Variants in LIN52 observed in about 807,000 individuals in gnomAD.
LIN52 encodes protein lin-52 homolog.
LIN52 carries 4 observed loss-of-function variants against 18.5 expected under a neutral mutation model. The observed-to-expected ratio is 0.22, with a 90% CI of 0.11 to 0.49. The LOEUF (loss-of-function observed/expected upper bound fraction) is 0.49, where lower values mean the gene tolerates loss of function less well. Ranked by LOEUF, LIN52 falls within the 20% of genes least tolerant of loss-of-function variation. LIN52 has a pLI of 0.97. For synonymous variants in LIN52, 34 were observed against 45.5 expected (o/e 0.75, Z 1.02); for missense variants, 102 against 139.5 (o/e 0.73, Z 1.35).
chr14:74,103,595 G>C (rs866741572), intron 5 of LIN52, among the ~76,000 whole-genome samples: 5 of 151,136 alleles, frequency 3.3e-5, no homozygotes, highest in African/African-American at 1.2e-4. Flanking sequence ...ACCAGGCCCA[G>C]CTAATTTTGT....
chr14:74,175,726 ACACACACACACACACACACACACACC>A, intron 5 of LIN52, among the ~76,000 whole-genome samples: 1 of 145,610 alleles, frequency 6.9e-6, no homozygotes, highest in Admixed American at 6.8e-5. Context: ...ACACACACAC[ACACACACACACACACACACACACACC>A]CCCATTATAC....
At chr14:74,191,924 C>T (rs965563949) in intron 5 of LIN52, among the ~76,000 whole-genome samples, 3 of 152,180 alleles carry the variant, frequency 2.0e-5, no homozygotes, top group Non-Finnish European at 2.9e-5. Flanking sequence ...CGTGAGCCAC[C>T]GCGCCCGGCC....
chr14:74,098,319 G>A (rs1264140903), intron 4 of LIN52, among the ~76,000 whole-genome samples: 1 of 151,938 alleles, frequency 6.6e-6, no homozygotes, highest in Non-Finnish European at 1.5e-5. Context: ...AGGAGTTTGA[G>A]ACCAGACTGA....
intron 5 of LIN52, among the ~76,000 whole-genome samples, chr14:74,104,548 C>T (rs1468798884): frequency 6.8e-6 from 1 of 147,682 alleles, no homozygotes; most frequent in Non-Finnish European, 1.5e-5. Context: ...CCTTTTTTAT[C>T]TGCTGATTGT....
intron 5 of LIN52, among the ~76,000 whole-genome samples, chr14:74,119,455 C>T (rs1292711914): frequency 6.6e-6 from 1 of 152,058 alleles, no homozygotes; most frequent in East Asian, 1.9e-4. Context: ...TGAGCCGCCG[C>T]ACCTGGGCCG....
intron 5 of LIN52, among the ~76,000 whole-genome samples, chr14:74,171,766 T>G (rs955103497): frequency 7.7e-6 from 1 of 129,500 alleles, no homozygotes; most frequent in Non-Finnish European, 1.5e-5. Flanking sequence ...TGAGACAGAG[T>G]CTTGCTCTGT....
intron 5 of LIN52, among the ~76,000 whole-genome samples, chr14:74,108,708 C>T (rs1320085095): frequency 6.6e-6 from 1 of 151,902 alleles, no homozygotes; most frequent in Non-Finnish European, 1.5e-5. Context: ...AATTCAGATC[C>T]TTTGCTTATT....
chr14:74,167,254 T>C (rs2061253928), intron 5 of LIN52, among the ~76,000 whole-genome samples: 1 of 152,122 alleles, frequency 6.6e-6, no homozygotes, highest in Admixed American at 6.5e-5. Flanking sequence ...CACTTGTCTT[T>C]TTAATGGATT....
chr14:74,165,740 C>T (rs1344017685), intron 5 of LIN52, among the ~76,000 whole-genome samples: 1 of 151,866 alleles, frequency 6.6e-6, no homozygotes, highest in East Asian at 1.9e-4. Flanking sequence ...AACTCCTGGC[C>T]TCAAGTGATC....
At chr14:74,184,721 AT>A (rs1168703758) in intron 5 of LIN52, among the ~76,000 whole-genome samples, 4 of 152,214 alleles carry the variant, frequency 2.6e-5, no homozygotes, top group Admixed American at 6.5e-5. Flanking sequence ...AAAATGTTAA[AT>A]TTTTCCTCTT....
intron 3 of LIN52, among the ~76,000 whole-genome samples, chr14:74,097,001 G>A (rs2060818401): frequency 6.6e-6 from 1 of 152,168 alleles, no homozygotes; most frequent in Admixed American, 6.6e-5. Flanking sequence ...GTAAAATTCT[G>A]AAGTTTCCTA....
At chr14:74,098,509 C>CT (rs2060830537) in intron 4 of LIN52, among the ~76,000 whole-genome samples, 1 of 145,538 alleles carries the variant, frequency 6.9e-6, no homozygotes. Flanking sequence ...GAGCAGGACT[C>CT]TATCTCAAAA....
chr14:74,163,212 C>T (rs1301289656), intron 5 of LIN52, among the ~76,000 whole-genome samples: 1 of 152,144 alleles, frequency 6.6e-6, no homozygotes, highest in Non-Finnish European at 1.5e-5. Context: ...CTCCAGGTAG[C>T]TGGGACTACA....
chr14:74,187,524 TAAATA>T (rs1162896098), intron 5 of LIN52, among the ~76,000 whole-genome samples: 1 of 152,240 alleles, frequency 6.6e-6, no homozygotes, highest in Admixed American at 6.5e-5. Flanking sequence ...TTGTCCAAGC[TAAATA>T]AAACAACTTC....
chr14:74,161,271 C>T (rs1054310290), intron 5 of LIN52, among the ~76,000 whole-genome samples: 8 of 152,062 alleles, frequency 5.3e-5, no homozygotes, highest in Non-Finnish European at 1.0e-4. Flanking sequence ...CTGCAACCTC[C>T]GCCTCCTGGG....
intron 5 of LIN52, chr14:74,114,365 G>A (rs928812246): frequency 1.3e-5 from 13 of 985,320 alleles, no homozygotes; most frequent in Admixed American, 6.2e-5. Context: ...AGAGAGAGGA[G>A]GCAGGAAGTT....
At chr14:74,167,335 A>G (rs1839426748) in intron 5 of LIN52, among the ~76,000 whole-genome samples, 1 of 152,146 alleles carries the variant, frequency 6.6e-6, no homozygotes, top group African/African-American at 2.4e-5. Flanking sequence ...ACTGAATAGA[A>G]TTGTACCATT....
chr14:74,090,453 A>T (rs2060766223), intron 1 of LIN52, among the ~76,000 whole-genome samples: 1 of 151,420 alleles, frequency 6.6e-6, no homozygotes, highest in Non-Finnish European at 1.5e-5. Flanking sequence ...CTCCTCCCTC[A>T]GCCTCCTGAG....
intron 1 of LIN52, 49 bp from the exon 2 acceptor site, chr14:74,091,183 C>A: frequency 7.6e-7 from 1 of 1,322,038 alleles, no homozygotes; most frequent in Non-Finnish European, 1.1e-6. Flanking sequence ...GTATCATATA[C>A]ATTAATGTGT....
Sources: gnomAD v4.1 joint callset for allele counts (sites outside exome capture counted in the v4.1 genomes callset) on GRCh38, gnomAD v4.1.1 for gene constraint, MANE v1.5 for transcripts, NCBI Gene and HGNC (gene_info 2026-07-23, HGNC 2026-07-21) for gene names.